JAZF1: variants seen among roughly 807,000 people sequenced by gnomAD.
JAZF1 encodes the protein juxtaposed with another zinc finger protein 1.
In JAZF1, 8 loss-of-function variants were observed where a neutral mutation model predicts 26.4. That is an observed-to-expected ratio of 0.30 (90% confidence interval 0.18 to 0.55). JAZF1 has a LOEUF of 0.55. JAZF1 is among the 20% of genes least tolerant of loss of function. JAZF1 has a pLI of 0.94. For synonymous variants in JAZF1, 126 were observed against 122.3 expected, an observed-to-expected ratio of 1.03 and a Z score of -0.20; for missense variants, 199 against 322.0, an observed-to-expected ratio of 0.62 and a Z score of 2.92.
At chr7:27,969,931 G>A (rs1356458826) in intron 2 of JAZF1, among the ~76,000 whole-genome samples, 2 of 152,200 alleles carry the variant, frequency 1.3e-5, no homozygotes, top group Non-Finnish European at 2.9e-5. Context: ...AAACAGGGAT[G>A]TACAATAGAA....
chr7:28,023,415 G>T (rs779670452), intron 1 of JAZF1, among the ~76,000 whole-genome samples: 4 of 152,192 alleles, frequency 2.6e-5, no homozygotes, highest in Non-Finnish European at 5.9e-5. Flanking sequence ...AATTATGTTT[G>T]CATTCATGAG....
chr7:28,023,546 C>A (rs902110021), intron 1 of JAZF1, among the ~76,000 whole-genome samples: 18 of 152,338 alleles, frequency 1.2e-4, no homozygotes, highest in African/African-American at 4.3e-4. Flanking sequence ...AGAATCTACT[C>A]CACACATGAT....
At chr7:28,047,437 A>T (rs1783515335) in intron 1 of JAZF1, among the ~76,000 whole-genome samples, 1 of 152,172 alleles carries the variant, frequency 6.6e-6, no homozygotes, top group South Asian at 2.1e-4. Flanking sequence ...AATTTATAAT[A>T]CTGAGCTCCT....
Position 28,080,032 on chromosome 7 carries a change from T to C in JAZF1, c.116-88051A>G, listed in dbSNP as rs1784111039. On this transcript the variant is annotated intron_variant, in intron 1 of 4. Coordinates refer to ENST00000283928, the MANE Select transcript of JAZF1 (RefSeq NM_175061.4). ...CAATAACATGTCTTTAAAAAGTATA[T>C]ATCTTAATTTTAAAATATTTTATTG... is the stretch of plus-strand genomic sequence containing the variant. Among the ~76,000 whole-genome samples the C allele has an allele frequency of 1.3e-5, 2 of 152,224 alleles. 1 individual carries two copies. The highest frequency in any genetic ancestry group is 4.1e-4 in the South Asian group (2 of 4,832).
intron 1 of JAZF1, among the ~76,000 whole-genome samples, chr7:28,069,822 C>G (rs1440141806): frequency 1.3e-5 from 2 of 152,120 alleles, no homozygotes; most frequent in Non-Finnish European, 2.9e-5. Flanking sequence ...GAGCCGTGTT[C>G]TCAAAAACTC....
chr7:28,095,514 A>G lies in JAZF1; in HGVS notation c.115+84949T>C, dbSNP rs546259701. Among the ~76,000 whole-genome samples, 92 of 152,286 alleles carry G rather than the reference A, an allele frequency of 6.0e-4. 1 individual carries two copies. Among genetic ancestry groups the G allele is most frequent in the African/African-American group, 2.2e-3 (92 of 41,554 alleles). On this transcript the variant is annotated intron_variant, in intron 1 of 4. Coordinates refer to ENST00000283928, the MANE Select transcript of JAZF1 (RefSeq NM_175061.4). Reference sequence around the variant, plus strand: ...TGGGGGAAACCACCCCCATGATTCAATTACCTACAGCTGGTCTCTCCTTTG... The same window carrying G: ...TGGGGGAAACCACCCCCATGATTCAGTTACCTACAGCTGGTCTCTCCTTTG...
At chr7:27,938,822 G>C (rs927773165) in intron 2 of JAZF1, among the ~76,000 whole-genome samples, 1 of 99,928 alleles carries the variant, frequency 1.0e-5, no homozygotes. Context: ...TTTTTTTTTT[G>C]TAGAAATGGA....
intron 1 of JAZF1, among the ~76,000 whole-genome samples, chr7:28,178,189 T>C (rs1311675693): frequency 6.6e-6 from 1 of 152,210 alleles, no homozygotes; most frequent in African/African-American, 2.4e-5. Flanking sequence ...AGCTGAGTTT[T>C]AGAAAACGTA....
At chr7:27,908,886 T>G (rs1169411796) in intron 2 of JAZF1, among the ~76,000 whole-genome samples, 1 of 152,226 alleles carries the variant, frequency 6.6e-6, no homozygotes, top group Non-Finnish European at 1.5e-5. Flanking sequence ...AGTCTTTAAA[T>G]TTGTTGTAAT....
At chr7:27,908,427 A>G (rs961026433) in intron 2 of JAZF1, among the ~76,000 whole-genome samples, 6 of 152,178 alleles carry the variant, frequency 3.9e-5, no homozygotes, top group Non-Finnish European at 1.5e-5. Context: ...CTCAAGTCTC[A>G]TGGGTTTTGG....
At chr7:28,152,756 C>T (rs12154248) in intron 1 of JAZF1, among the ~76,000 whole-genome samples, 16,233 of 151,918 alleles carry the variant, frequency 0.11, 1,400 homozygotes, top group East Asian at 0.47. Flanking sequence ...TATGCAGAGG[C>T]GAAATTCAGC....
intron 2 of JAZF1, among the ~76,000 whole-genome samples, chr7:27,931,384 T>TAA: frequency 6.6e-6 from 1 of 152,292 alleles, no homozygotes; most frequent in East Asian, 1.9e-4. Context: ...AACCAGTCTT[T>TAA]AAAAGCTGTA....
At chr7:27,964,931 G>A (rs999129693) in intron 2 of JAZF1, among the ~76,000 whole-genome samples, 3 of 152,176 alleles carry the variant, frequency 2.0e-5, no homozygotes, top group Admixed American at 6.6e-5. Context: ...AATTTATTGC[G>A]GTATCTGTGA....
chr7:28,135,836 T>G lies in JAZF1; in HGVS notation c.115+44627A>C, dbSNP rs60348906. Reference sequence around the variant, plus strand: ...TAAGTAGGTGGTATAAACATAAAATTCTGTTTGTATCTATGTAACTAGGTG... The same window carrying G: ...TAAGTAGGTGGTATAAACATAAAATGCTGTTTGTATCTATGTAACTAGGTG... On this transcript the variant is annotated intron_variant, in intron 1 of 4. Transcript: ENST00000283928. 9.1e-3 allele frequency among the ~76,000 whole-genome samples: 1,379 copies of G among 152,232 alleles called. 17 individuals carry two copies. The highest frequency in any genetic ancestry group is 0.031 in the African/African-American group (1,299 of 41,522).
chr7:28,143,789 G>A (rs1057511245), intron 1 of JAZF1, among the ~76,000 whole-genome samples: 4 of 152,056 alleles, frequency 2.6e-5, no homozygotes, highest in East Asian at 1.9e-4. Flanking sequence ...GTCCTTTTAC[G>A]GATAATATCA....
chr7:27,897,001 T>C (rs190), intron 2 of JAZF1, among the ~76,000 whole-genome samples: 67,634 of 152,016 alleles, frequency 0.44, 15,261 homozygotes, highest in East Asian at 0.57. Flanking sequence ...ACTGGTTCTA[T>C]TGTCCTTAAA....
intron 1 of JAZF1, among the ~76,000 whole-genome samples, chr7:28,076,849 G>T (rs1784059478): frequency 6.6e-6 from 1 of 151,984 alleles, no homozygotes; most frequent in African/African-American, 2.4e-5. Flanking sequence ...TTTCCAGGTA[G>T]ATCATAGCAG....
intron 3 of JAZF1, among the ~76,000 whole-genome samples, chr7:27,889,262 G>A (rs1008800993): frequency 4.0e-5 from 6 of 151,784 alleles, no homozygotes; most frequent in African/African-American, 9.7e-5. Flanking sequence ...CATCCTGATC[G>A]AAAATCACTG....
intron 1 of JAZF1, among the ~76,000 whole-genome samples, chr7:28,090,968 A>G (rs1343768010): frequency 6.6e-6 from 1 of 150,652 alleles, no homozygotes; most frequent in Admixed American, 6.6e-5. Flanking sequence ...CTGGGACTAC[A>G]GGCGCCCGCC....
Sources: gnomAD v4.1 joint callset for allele counts (sites outside exome capture counted in the v4.1 genomes callset) on GRCh38, gnomAD v4.1.1 for gene constraint, MANE v1.5 for transcripts, NCBI Gene and HGNC (gene_info 2026-07-23, HGNC 2026-07-21) for gene names.